ACVR1C: variants seen among roughly 807,000 people sequenced by gnomAD.
ACVR1C encodes the protein activin receptor type-1C.
A neutral mutation model predicts 57.9 loss-of-function variants in ACVR1C; 23 were observed. The ratio of observed to expected loss-of-function variants is 0.40; its 90% CI spans 0.29 to 0.56. The LOEUF (loss-of-function observed/expected upper bound fraction) is 0.56, where lower values mean the gene tolerates loss of function less well. Among genes scored for constraint, ACVR1C ranks in the 20% least tolerant of loss-of-function variants. The probability of loss-of-function intolerance (pLI) is 0.50; values close to 1 mark genes in which losing one functional copy is unlikely to be tolerated. For synonymous variants in ACVR1C, 214 were observed against 215.3 expected, an observed-to-expected ratio of 0.99 and a Z score of 0.05; for missense variants, 480 against 607.9, an observed-to-expected ratio of 0.79 and a Z score of 2.21.
At chr2:157,544,337 G>T in intron 5 of ACVR1C, 108 bp downstream of exon 5, 1 of 1,143,956 alleles carries the variant, frequency 8.7e-7, no homozygotes, top group Non-Finnish European at 1.2e-6. Context: ...AAGCCACCGT[G>T]CCCAGCCTAA....
At chr2:157,566,244 T>C (rs1015018361) in intron 2 of ACVR1C, among the ~76,000 whole-genome samples, 2 of 152,210 alleles carry the variant, frequency 1.3e-5, no homozygotes, top group Non-Finnish European at 2.9e-5. Flanking sequence ...ATCTCTCTGT[T>C]TCCCCAGCAC....
chr2:157,545,630 A>G (rs1687734557), intron 4 of ACVR1C, among the ~76,000 whole-genome samples: 1 of 152,224 alleles, frequency 6.6e-6, no homozygotes, highest in African/African-American at 2.4e-5. Context: ...GAATTAAAAA[A>G]TGAAAGTGAA....
intron 2 of ACVR1C, among the ~76,000 whole-genome samples, chr2:157,557,151 A>C (rs776375644): frequency 6.8e-6 from 1 of 146,228 alleles, no homozygotes; most frequent in Non-Finnish European, 1.5e-5. Context: ...AAAAGCAAGA[A>C]AGAATGGTGC....
At chr2:157,597,589 C>G (rs529035331) in intron 1 of ACVR1C, 4 of 985,228 alleles carry the variant, frequency 4.1e-6, no homozygotes, top group African/African-American at 1.7e-5. Flanking sequence ...GACGGCTTCC[C>G]GGCGCACCCG....
intron 1 of ACVR1C, among the ~76,000 whole-genome samples, chr2:157,623,836 C>G (rs1417094814): frequency 2.0e-5 from 3 of 152,002 alleles, no homozygotes; most frequent in African/African-American, 7.3e-5. Flanking sequence ...ATGCCTGTAT[C>G]AAAACATCTC....
chr2:157,587,126 C>G, intron 2 of ACVR1C, 61 bp downstream of exon 2: 2 of 1,383,638 alleles, frequency 1.4e-6, no homozygotes. Context: ...TGATTCCTAC[C>G]ATTCTTATAG....
chr2:157,534,000 G>T lies in ACVR1C; in HGVS notation c.1400C>A (p.Ala467Asp). The T allele has an allele frequency of 6.3e-7, 1 of 1,593,610 alleles. No homozygotes were observed. The highest frequency in any genetic ancestry group is 8.5e-7 in the Non-Finnish European group (1 of 1,171,536). The change falls in exon 9 of 9, where the codon GCC becomes GAC. Residue 467 changes from alanine to aspartate, a missense_variant. By Grantham distance (126) the Ala-to-Asp change is moderately radical. Transcript: ENST00000243349. ...AGCAGTTAGGCGGGCCGCTCCGTTG[G>T]CATACCAACACTCACGCATTATTCT... ...MGRIMRECWY[A>D]NGAARLTALR...
intron 2 of ACVR1C, among the ~76,000 whole-genome samples, chr2:157,566,122 C>G (rs936096296): frequency 4.6e-5 from 7 of 152,182 alleles, no homozygotes; most frequent in African/African-American, 1.7e-4. Flanking sequence ...TAATGCATGT[C>G]TGTAAATAAC....
chr2:157,587,294 A>G lies in ACVR1C; in HGVS notation c.197T>C (p.Leu66Pro), dbSNP rs1353940320. The G allele has an allele frequency of 1.1e-5, 17 of 1,613,606 alleles. No individual in the cohort carries two copies. The highest frequency in any genetic ancestry group is 1.4e-5 in the Non-Finnish European group (16 of 1,179,678). ...KEQVIKSCVS[L>P]PELNAQVFCH... ...GAAGACTTGAGCATTCAGTTCTGGA[A>G]GGGAGACACAGGATTTGATCACCTG... Residue 66 changes from leucine to proline, a missense_variant, in exon 2 of 9, where the codon CTT becomes CCT. Coordinates refer to ENST00000243349, the MANE Select transcript of ACVR1C (RefSeq NM_145259.3).
intron 1 of ACVR1C, among the ~76,000 whole-genome samples, chr2:157,620,469 A>G (rs1041872706): frequency 1.3e-5 from 2 of 152,134 alleles, no homozygotes. Flanking sequence ...AGATGTGATT[A>G]CTTAATACTC....
chr2:157,585,763 A>T (rs796865944), intron 2 of ACVR1C, among the ~76,000 whole-genome samples: 4 of 152,278 alleles, frequency 2.6e-5, no homozygotes, highest in African/African-American at 9.6e-5. Flanking sequence ...CCCATAATAG[A>T]TCCCAGATCA....
At chr2:157,619,225 G>C (rs6718333) in intron 1 of ACVR1C, among the ~76,000 whole-genome samples, 4,392 of 150,720 alleles carry the variant, frequency 0.029, 232 homozygotes, top group African/African-American at 0.1. Context: ...TGGATTTAAA[G>C]TAGAATTCTG....
intron 1 of ACVR1C, among the ~76,000 whole-genome samples, chr2:157,615,396 A>G (rs1014211237): frequency 6.6e-6 from 1 of 151,024 alleles, no homozygotes; most frequent in Non-Finnish European, 1.5e-5. Context: ...CTGTTTTGAG[A>G]TAGGATTTCA....
chr2:157,549,485 A>C (rs1007014663), intron 4 of ACVR1C, among the ~76,000 whole-genome samples: 1 of 152,206 alleles, frequency 6.6e-6, no homozygotes, highest in Admixed American at 6.5e-5. Flanking sequence ...GTTCTCCAGG[A>C]TTCTGTTCTA....
intron 2 of ACVR1C, among the ~76,000 whole-genome samples, chr2:157,580,431 T>A (rs1688762865): frequency 6.6e-6 from 1 of 152,198 alleles, no homozygotes. Flanking sequence ...TTTTTGTATA[T>A]GGTATGACAC....
intron 8 of ACVR1C, among the ~76,000 whole-genome samples, chr2:157,535,159 A>G (rs1687452104): frequency 6.6e-6 from 1 of 151,890 alleles, no homozygotes; most frequent in Admixed American, 6.6e-5. Context: ...AAAAAAAAAA[A>G]AAAGGCTTAG....
At chr2:157,540,814 A>G (rs1157754734) in intron 7 of ACVR1C, among the ~76,000 whole-genome samples, 1 of 152,238 alleles carries the variant, frequency 6.6e-6, no homozygotes, top group African/African-American at 2.4e-5. Context: ...TACAGCTTAC[A>G]AACTCAAATA....
At chr2:157,602,457 G>A (rs2105141052) in intron 1 of ACVR1C, among the ~76,000 whole-genome samples, 1 of 152,292 alleles carries the variant, frequency 6.6e-6, no homozygotes, top group East Asian at 1.9e-4. Flanking sequence ...ATACACAGTT[G>A]GCAGAGTATA....
intron 1 of ACVR1C, among the ~76,000 whole-genome samples, chr2:157,591,529 T>A (rs1689054515): frequency 6.6e-6 from 1 of 152,084 alleles, no homozygotes; most frequent in African/African-American, 2.4e-5. Context: ...ACTCATTTAA[T>A]GTTAAGAAAC....
Sources: gnomAD v4.1 joint callset for allele counts (sites outside exome capture counted in the v4.1 genomes callset) on GRCh38, gnomAD v4.1.1 for gene constraint, MANE v1.5 for transcripts, NCBI Gene and HGNC (gene_info 2026-07-23, HGNC 2026-07-21) for gene names.